Variants in ATAD2 observed in about 807,000 individuals in gnomAD.
ATAD2 encodes the protein ATPase family AAA domain containing 2.
A neutral mutation model predicts 168.9 loss-of-function variants in ATAD2; 62 were observed. The observed-to-expected ratio is 0.37, with a 90% CI of 0.30 to 0.45. The LOEUF (loss-of-function observed/expected upper bound fraction) is 0.45. ATAD2 is among the 20% of genes least tolerant of loss of function. The pLI is 1.00. For synonymous variants in ATAD2, 613 were observed against 571.6 expected, an observed-to-expected ratio of 1.07 and a Z score of -1.03; for missense variants, 1,419 against 1,667.8, an observed-to-expected ratio of 0.85 and a Z score of 2.60.
chr8:123,396,184 C>T lies in ATAD2; in HGVS notation c.171+3G>A, dbSNP rs752388309. On this transcript the variant is annotated splice_donor_region_variant and intron_variant, in intron 1 of 27. Transcript: ENST00000287394. ...TGGGAGCCCGCCTCAGGCCCGTACTCACGCCCGCTTTGGCTGTGGTCGCCG... is the reference window on the plus strand; with the variant it reads ...TGGGAGCCCGCCTCAGGCCCGTACTTACGCCCGCTTTGGCTGTGGTCGCCG... 2.6e-6 allele frequency: 4 copies of T among 1,568,552 alleles called. No homozygotes were observed. In the East Asian group the frequency reaches 9.4e-5, roughly 37 times the overall value.
chr8:123,411,026 T>G (rs1236474237), intron 1 of ATAD2, among the ~76,000 whole-genome samples: 2 of 152,124 alleles, frequency 1.3e-5, no homozygotes, highest in Non-Finnish European at 2.9e-5. Flanking sequence ...GGCCCAAGAT[T>G]CCATTCCTTG....
rs1586909425 is a variant in ATAD2, at chr8:123,396,065, A to G, written c.171+122T>C. 7.0e-6 allele frequency: 8 copies of G among 1,150,724 alleles called. No individual in the cohort carries two copies. In the East Asian group the frequency reaches 1.4e-4, roughly 21 times the overall value. 71.3% of individuals were successfully genotyped at this position (1,150,724 alleles called of 1,614,324 possible). A position where few individuals can be genotyped will look rare whatever the true frequency, so the allele number is the denominator to read the frequency against. On this transcript the variant is annotated intron_variant, in intron 1 of 27. Coordinates refer to ENST00000287394, the MANE Select transcript of ATAD2 (RefSeq NM_014109.4). ...TTCCATTTTACTCGTCCTCGACCAC[A>G]CTTCTCCCCCGACAACTGTCACCCT... is the stretch of plus-strand genomic sequence containing the variant.
chr8:123,323,019 A>G lies in ATAD2; in HGVS notation c.4050T>C (p.Phe1350=). 1 of 1,612,830 alleles carries G rather than the reference A, an allele frequency of 6.2e-7. No individual in the cohort carries two copies. The highest frequency in any genetic ancestry group is 8.5e-7 in the Non-Finnish European group (1 of 1,178,910). Residue 1350 remains phenylalanine (F), a synonymous_variant, in exon 27 of 28, where the codon TTT becomes TTC. Coordinates refer to ENST00000287394, the MANE Select transcript of ATAD2 (RefSeq NM_014109.4). ...VVKKSQNYNI[F]QLENLYAVIS... ...TTACTGCATACAAATTTTCCAACTG[A>G]AATATGTTGTAGTTTTGACTTTTTT...
At chr8:123,356,860 A>G (rs538071394) in intron 12 of ATAD2, among the ~76,000 whole-genome samples, 3 of 152,204 alleles carry the variant, frequency 2.0e-5, no homozygotes, top group Non-Finnish European at 4.4e-5. Flanking sequence ...CTAAATTATA[A>G]TGATATATGG....
Position 123,333,164 on chromosome 8 carries a change from G to A in ATAD2, c.3478+714C>T, listed in dbSNP as rs950969422. Reference sequence around the variant, plus strand: ...AACACTTTGGGAGGCCGAGGTGGGTGGATCATGAGGTCAGGAGATCGAGAC... The same window carrying A: ...AACACTTTGGGAGGCCGAGGTGGGTAGATCATGAGGTCAGGAGATCGAGAC... On this transcript the variant is annotated intron_variant, in intron 24 of 27. Coordinates refer to ENST00000287394, the MANE Select transcript of ATAD2 (RefSeq NM_014109.4). Among the ~76,000 whole-genome samples the A allele has an allele frequency of 2.8e-5, 4 of 144,370 alleles. No individual in the cohort carries two copies. In the South Asian group the frequency reaches 6.6e-4, roughly 24 times the overall value. The allele number at this position is 144,370 out of a possible 152,430, so 94.7% of individuals were successfully genotyped here. A position where few individuals can be genotyped will look rare whatever the true frequency, so the allele number is the denominator to read the frequency against.
intron 18 of ATAD2, 76 bp downstream of exon 18, chr8:123,345,995 GACAAAAAAACACAAT>G: frequency 1.9e-6 from 2 of 1,060,832 alleles, no homozygotes; most frequent in Non-Finnish European, 2.6e-6. Context: ...AAATCAGAAA[GACAAAAAAACACAAT>G]ACAAAAAAAT....
chr8:123,371,153 A>G, intron 5 of ATAD2, 83 bp downstream of exon 5: 1 of 1,194,518 alleles, frequency 8.4e-7, no homozygotes, highest in Non-Finnish European at 1.2e-6. Context: ...GAAAAAGTAG[A>G]TATTTAATGA....
At chr8:123,378,054 C>T (rs1194155759) in intron 2 of ATAD2, among the ~76,000 whole-genome samples, 1 of 152,136 alleles carries the variant, frequency 6.6e-6, no homozygotes, top group Non-Finnish European at 1.5e-5. Context: ...GAAGAATAAA[C>T]CTTAAGACTT....
chr8:123,409,169 A>G (rs1813116060), intron 1 of ATAD2, among the ~76,000 whole-genome samples: 1 of 151,664 alleles, frequency 6.6e-6, no homozygotes. Flanking sequence ...CTCTCTATTG[A>G]CCTCTCCCGA....
At chr8:123,361,716 T>A in intron 8 of ATAD2, 70 bp from the exon 9 acceptor site, 1 of 1,255,388 alleles carries the variant, frequency 8.0e-7, no homozygotes. Context: ...AAGAAAAGCA[T>A]CAGAAATACC....
At chr8:123,370,153 CA>C (rs200599882) in intron 6 of ATAD2, 129 bp from the exon 7 acceptor site, 101 of 742,184 alleles carry the variant, frequency 1.4e-4, no homozygotes, top group Non-Finnish European at 1.7e-4. Context: ...AAAAAAACAA[CA>C]AAAAAAAACC....
Position 123,344,986 on chromosome 8 carries a change from T to C in ATAD2, c.2616A>G (p.Thr872=), listed in dbSNP as rs1828191274. ...ATAATGTGGTAAATGTGGCTTTAAG[T>C]GTCGGTCCAACTATTTCCCACCACA... The part of the protein sequence containing the change: ...IHVWWEIVGP[T]LKATFTTLLQ... The change falls in exon 19 of 28, where the codon ACA becomes ACG. Residue 872 remains threonine, a synonymous_variant. Coordinates refer to ENST00000287394, the MANE Select transcript of ATAD2 (RefSeq NM_014109.4). 2 of 1,614,044 alleles carry C rather than the reference T, an allele frequency of 1.2e-6. No individual in the cohort carries two copies. Among genetic ancestry groups the C allele is most frequent in the East Asian group, 4.5e-5 (2 of 44,874 alleles).
chr8:123,339,709 GTTA>G (rs1793505952), intron 19 of ATAD2, among the ~76,000 whole-genome samples: 3 of 151,926 alleles, frequency 2.0e-5, no homozygotes, highest in Admixed American at 1.3e-4. Flanking sequence ...ACAATAGCAG[GTTA>G]TTATACACAT....
chr8:123,376,027 C>T (rs1829298648), intron 2 of ATAD2, among the ~76,000 whole-genome samples: 1 of 148,498 alleles, frequency 6.7e-6, no homozygotes, highest in Non-Finnish European at 1.5e-5. Flanking sequence ...ACTGCTTGAA[C>T]CTGGGAGGCG....
chr8:123,335,900 T>C (rs890333999), intron 22 of ATAD2, among the ~76,000 whole-genome samples: 2 of 152,170 alleles, frequency 1.3e-5, no homozygotes, highest in Admixed American at 6.6e-5. Context: ...AGTGTCTGCC[T>C]TTGGAGAAAG....
intron 1 of ATAD2, among the ~76,000 whole-genome samples, chr8:123,405,319 C>G (rs996707520): frequency 1.4e-5 from 2 of 147,848 alleles, no homozygotes; most frequent in African/African-American, 5.0e-5. Context: ...TGCAATGGTG[C>G]GACCTCAGCT....
chr8:123,377,368 G>A (rs16898261), intron 2 of ATAD2, among the ~76,000 whole-genome samples: 6,583 of 151,944 alleles, frequency 0.043, 172 homozygotes, highest in African/African-American at 0.069. Context: ...AATCCAGATC[G>A]AAAGCATTTA....
At chr8:123,400,619 A>G (rs1446916491), upstream of ATAD2, 4 of 627,610 alleles carry the variant, frequency 6.4e-6, no homozygotes, top group Admixed American at 8.3e-5. The surrounding 1 kb of genome is among the most constrained non-coding windows in gnomAD (Gnocchi z 4.5). Context: ...TGCGTGCCCG[A>G]GGACGGGCTC....
At chr8:123,343,146 G>A (rs999402503) in intron 19 of ATAD2, among the ~76,000 whole-genome samples, 3 of 151,986 alleles carry the variant, frequency 2.0e-5, no homozygotes, top group African/African-American at 2.4e-5. Context: ...CACCATGTCC[G>A]GCTAATTTTT....
Sources: gnomAD v4.1 joint callset for allele counts (sites outside exome capture counted in the v4.1 genomes callset) on GRCh38, gnomAD v4.1.1 for gene constraint, Gnocchi (gnomAD v3.1) non-coding constraint, MANE v1.5 for transcripts, NCBI Gene and HGNC (gene_info 2026-07-23, HGNC 2026-07-21) for gene names.